The following DCAKD variants were observed in gnomAD, a reference collection of about 807,000 sequenced individuals.
The protein encoded by DCAKD is dephospho-CoA kinase domain containing.
In DCAKD, 15 loss-of-function variants were observed where a neutral mutation model predicts 18.7. The observed-to-expected ratio is 0.80, with a 90% confidence interval of 0.54 to 1.24. DCAKD has a LOEUF of 1.24. DCAKD is among the 50% of genes most tolerant of loss of function. The probability of loss-of-function intolerance (pLI) is 0.00; values close to 1 mark genes in which losing one functional copy is unlikely to be tolerated. For synonymous variants in DCAKD, 130 were observed against 133.0 expected, an observed-to-expected ratio of 0.98 and a Z score of 0.16; for missense variants, 301 against 322.0, an observed-to-expected ratio of 0.93 and a Z score of 0.50.
At chr17:45,032,115 C>T (rs939745416) in intron 3 of DCAKD, 42 of 985,322 alleles carry the variant, frequency 4.3e-5, no homozygotes, top group Non-Finnish European at 5.1e-5. Flanking sequence ...TGCAGATATA[C>T]CAGTAACTGG....
At chr17:45,049,653 G>C (rs1597982462) in intron 1 of DCAKD, among the ~76,000 whole-genome samples, 1 of 145,232 alleles carries the variant, frequency 6.9e-6, no homozygotes, top group Admixed American at 6.9e-5. Context: ...AAATGTGAAA[G>C]TTTCAATCTA....
upstream of DCAKD, among the ~76,000 whole-genome samples, chr17:45,052,924 G>A (rs1199187025): frequency 1.3e-5 from 2 of 151,964 alleles, no homozygotes. Context: ...AGCACTTTGG[G>A]AGGCCAAGGC....
chr17:45,044,133 G>A (rs1193175935), intron 1 of DCAKD, among the ~76,000 whole-genome samples: 2 of 152,108 alleles, frequency 1.3e-5, no homozygotes, highest in Admixed American at 6.6e-5. Context: ...CCATCTCAGT[G>A]AGTACAAGCC....
chr17:45,047,807 G>C (rs938741118), intron 1 of DCAKD, among the ~76,000 whole-genome samples: 3 of 151,654 alleles, frequency 2.0e-5, no homozygotes, highest in Non-Finnish European at 4.4e-5. Context: ...CTGGCCCCTG[G>C]CTAGTCTCAA....
chr17:45,054,429 G>T (rs1022400266), upstream of DCAKD, among the ~76,000 whole-genome samples: 3 of 151,930 alleles, frequency 2.0e-5, no homozygotes, highest in Non-Finnish European at 2.9e-5. Flanking sequence ...TACATTTTTA[G>T]TAGAGATGGG....
At chr17:45,057,816 G>A (rs1281609976) in intron 1 of DCAKD, among the ~76,000 whole-genome samples, 1 of 151,778 alleles carries the variant, frequency 6.6e-6, no homozygotes, top group Admixed American at 6.6e-5. Flanking sequence ...TTCGAGACCA[G>A]CCTGGCCAAC....
chr17:45,039,459 T>G (rs551777090), intron 1 of DCAKD, among the ~76,000 whole-genome samples: 1 of 152,294 alleles, frequency 6.6e-6, no homozygotes, highest in South Asian at 2.1e-4. Flanking sequence ...ACACCCAGGC[T>G]CCATCTACCC....
chr17:45,030,626 G>GAAAC (rs750310923), intron 3 of DCAKD, among the ~76,000 whole-genome samples: 11 of 152,182 alleles, frequency 7.2e-5, no homozygotes, highest in African/African-American at 1.9e-4. Flanking sequence ...TTATTTCTCA[G>GAAAC]AAACAAACAA....
In DCAKD at chr17:45,034,780, G is replaced by A. The variant is rs139056062; in HGVS notation, c.106C>T (p.Arg36Trp). ...ACCTGCCCCTCCAACTCACCGTGCC[G>A]GGCCATCACGTCCACGTCAATCACC... ...CAVIDVDVMA[R>W]HVVQPGYPAH... is the part of the protein sequence containing the mutation. The change falls in exon 2 of 5, where the codon CGG becomes TGG. Residue 36 changes from arginine (R) to tryptophan (W), a missense_variant. Physicochemically the swap from Arg to Trp is moderately radical, Grantham distance 101 (BLOSUM62 -3). Coordinates refer to ENST00000651974, the MANE Select transcript of DCAKD (RefSeq NM_001288655.2). 94 of 1,614,038 alleles carry A rather than the reference G, an allele frequency of 5.8e-5. No homozygotes were observed. Among genetic ancestry groups the A allele is most frequent in the African/African-American group, 2.0e-4 (15 of 75,040 alleles).
chr17:45,050,642 A>G (rs1348651735), intron 1 of DCAKD, among the ~76,000 whole-genome samples: 2 of 151,960 alleles, frequency 1.3e-5, no homozygotes, highest in Non-Finnish European at 2.9e-5. Context: ...TGCCACACCA[A>G]CTCAATCTTG....
chr17:45,045,070 A>G (rs1387354740), intron 1 of DCAKD, among the ~76,000 whole-genome samples: 3 of 149,974 alleles, frequency 2.0e-5, no homozygotes, highest in Non-Finnish European at 4.5e-5. Flanking sequence ...AGGTATCTAG[A>G]TATCTATAGG....
intron 4 of DCAKD, chr17:45,026,588 C>G (rs1194540758): frequency 1.0e-6 from 1 of 984,458 alleles, no homozygotes; most frequent in Non-Finnish European, 1.2e-6. Context: ...GTCTCAAACT[C>G]CTGGGCTTAA....
chr17:45,037,187 C>CCACG lies in DCAKD; in HGVS notation c.-114-2192_-114-2189dup, dbSNP rs2053319976. On this transcript the variant is annotated intron_variant, in intron 1 of 4. Coordinates refer to ENST00000651974, the MANE Select transcript of DCAKD (RefSeq NM_001288655.2). The stretch of plus-strand genomic sequence containing the variant: ...CAACTATTTAACAATCATTTCTAGG[C>CCACG]CACGCACGGTGTTCACGCCTGTAAT... Among the ~76,000 whole-genome samples the CCACG allele has an allele frequency of 2.0e-5, 3 of 152,202 alleles. No homozygotes were observed. In the South Asian group the frequency reaches 6.2e-4, roughly 32 times the overall value.
At chr17:45,036,511 G>A (rs76358396) in intron 1 of DCAKD, among the ~76,000 whole-genome samples, 2,459 of 151,748 alleles carry the variant, frequency 0.016, 133 homozygotes, top group East Asian at 0.14. Context: ...GCGAGACTCC[G>A]TCTCAGAGAA....
At chr17:45,035,480 T>TAAAAAAA (rs35837364) in intron 1 of DCAKD, among the ~76,000 whole-genome samples, 1 of 86,950 alleles carries the variant, frequency 1.2e-5, no homozygotes, top group East Asian at 3.9e-4. Context: ...AGATTCCTTC[T>TAAAAAAA]AAAAAAAAAA....
intron 1 of DCAKD, among the ~76,000 whole-genome samples, chr17:45,040,576 G>T (rs1010687975): frequency 3.9e-5 from 6 of 152,098 alleles, no homozygotes; most frequent in Non-Finnish European, 7.4e-5. Flanking sequence ...ATGGAAGCTG[G>T]ATTCTGGGAC....
chr17:45,058,051 AC>A (rs1455678583), intron 1 of DCAKD, among the ~76,000 whole-genome samples: 1 of 144,776 alleles, frequency 6.9e-6, no homozygotes, highest in Non-Finnish European at 1.5e-5. Flanking sequence ...GTGGTGGCTC[AC>A]ACCTGTAATT....
At chr17:45,029,984 T>A in intron 4 of DCAKD, 108 bp downstream of exon 4, 11 of 962,178 alleles carry the variant, frequency 1.1e-5, no homozygotes, top group African/African-American at 1.6e-5. Flanking sequence ...CAAACCCCCA[T>A]GCCTCTTGGC....
rs981419451 is a variant in DCAKD, at chr17:45,034,796, G to T, written c.90C>A (p.Asp30Glu). The change falls in exon 2 of 5, where the codon GAC (aspartate) becomes GAA (glutamate). Residue 30 changes from aspartate (D) to glutamate (E), a missense_variant. Asp to Glu is a conservative substitution (Grantham distance 45). Coordinates refer to ENST00000651974, the MANE Select transcript of DCAKD (RefSeq NM_001288655.2). ...VFQQLGCAVI[D>E]VDVMARHVVQ... ...CACCGTGCCGGGCCATCACGTCCAC[G>T]TCAATCACCGCACAGCCCAGCTGCT... 9 of 1,614,052 alleles carry T rather than the reference G, an allele frequency of 5.6e-6. No individual in the cohort carries two copies. Among genetic ancestry groups the T allele is most frequent in the African/African-American group, 1.3e-5 (1 of 74,930 alleles).
Sources: gnomAD v4.1 joint callset for allele counts (sites outside exome capture counted in the v4.1 genomes callset) on GRCh38, gnomAD v4.1.1 for gene constraint, MANE v1.5 for transcripts, NCBI Gene and HGNC (gene_info 2026-07-23, HGNC 2026-07-21) for gene names.